Variants in STAC observed in about 807,000 individuals in gnomAD.
STAC encodes the protein SH3 and cysteine rich domain.
A neutral mutation model predicts 48.8 loss-of-function variants in STAC; 43 were observed. That is an observed-to-expected ratio of 0.88 (90% CI 0.69 to 1.14). The LOEUF (loss-of-function observed/expected upper bound fraction) is 1.14, where lower values mean the gene tolerates loss of function less well. Ranked by LOEUF, STAC falls within the 50% of genes most tolerant of loss-of-function variation. The pLI is 0.00. For missense variants in STAC, 497 were observed against 504.0 expected (o/e 0.99, Z 0.13); for synonymous variants, 193 against 179.5 (o/e 1.07, Z -0.60).
chr3:36,398,397 GTAAAGA>G (rs1256867028), intron 1 of STAC, among the ~76,000 whole-genome samples: 1 of 124,512 alleles, frequency 8.0e-6, no homozygotes, highest in African/African-American at 3.1e-5. Flanking sequence ...AGAAAGAGAG[GTAAAGA>G]GAAAGAGAGA....
At chr3:36,411,139 C>T (rs1010032741) in intron 1 of STAC, among the ~76,000 whole-genome samples, 5 of 152,170 alleles carry the variant, frequency 3.3e-5, no homozygotes, top group African/African-American at 1.2e-4. Flanking sequence ...ACCCCACATC[C>T]AACCCACTAA....
At chr3:36,538,930 T>A (rs994948383) in intron 10 of STAC, among the ~76,000 whole-genome samples, 1 of 152,214 alleles carries the variant, frequency 6.6e-6, no homozygotes, top group Non-Finnish European at 1.5e-5. Context: ...TCAATGCCTC[T>A]TTCTCCAGGA....
At position 36,499,664 on chromosome 3, in the gene STAC, G is replaced by T. The variant is rs568192897; in HGVS notation, c.767-4729G>T. ...AATGTAAACTGATTTAAGCACTCTA[G>T]ATAAAAGAAAGATTTTCAGACTAGA... is the stretch of plus-strand genomic sequence containing the variant. On this transcript the variant is annotated intron_variant, in intron 6 of 10. Transcript: ENST00000273183. Among the ~76,000 whole-genome samples, 11 of 151,950 alleles carry T rather than the reference G, an allele frequency of 7.2e-5. No homozygotes were observed. The South Asian group carries it at 2.1e-3, about 29-fold the overall frequency.
At chr3:36,426,955 T>C (rs1330472499) in intron 1 of STAC, among the ~76,000 whole-genome samples, 2 of 152,164 alleles carry the variant, frequency 1.3e-5, no homozygotes, top group Admixed American at 6.5e-5. Flanking sequence ...TAAAGCAAAA[T>C]GTAAGTGTGA....
intron 8 of STAC, among the ~76,000 whole-genome samples, chr3:36,508,763 T>C (rs142591122): frequency 3.9e-5 from 6 of 152,186 alleles, no homozygotes; most frequent in African/African-American, 1.4e-4. Context: ...TCTTTCCATT[T>C]GCTTGGTAAA....
rs752279953 is a variant in STAC, at chr3:36,546,256, C to T, written c.1176C>T (p.Gly392=). The change falls in exon 11 of 11, where the codon GGC becomes GGT. Residue 392 remains glycine (G), a synonymous_variant. Transcript: ENST00000273183. ...FIRVLSGKKK[G]LIPLDVLENI ...GAGTCCTCAGTGGAAAAAAGAAAGG[C>T]CTCATCCCCCTTGATGTACTAGAAA... is the stretch of plus-strand genomic sequence containing the variant. 1.7e-5 allele frequency: 28 copies of T among 1,613,924 alleles called. No homozygotes were observed. The highest frequency in any genetic ancestry group is 1.6e-4 in the Middle Eastern group (1 of 6,082).
rs761752853 is a variant in STAC at position 36,493,248 on chromosome 3, A to G, written c.766+19A>G. On this transcript the variant is annotated intron_variant, in intron 6 of 10. Coordinates refer to ENST00000273183, the MANE Select transcript of STAC (RefSeq NM_003149.3). ...AACAGCGGTGAGTGAGGGAGTTGGC[A>G]CAGCACAAATGTGATCACATGAGTC... is the stretch of plus-strand genomic sequence containing the variant. The G allele has an allele frequency of 3.7e-6, 6 of 1,611,870 alleles. No homozygotes were observed. The highest frequency in any genetic ancestry group is 2.2e-5 in the East Asian group (1 of 44,752).
At chr3:36,428,558 G>A (rs1460093213) in intron 1 of STAC, among the ~76,000 whole-genome samples, 1 of 152,164 alleles carries the variant, frequency 6.6e-6, no homozygotes, top group East Asian at 1.9e-4. Flanking sequence ...GTGCTCTGAA[G>A]AGGAAATGGG....
chr3:36,411,686 G>A (rs115936603), intron 1 of STAC, among the ~76,000 whole-genome samples: 160 of 152,310 alleles, frequency 1.1e-3, no homozygotes, highest in Admixed American at 1.8e-3. Context: ...AGGTCCCCAG[G>A]TTGTAGGTCC....
intron 1 of STAC, among the ~76,000 whole-genome samples, chr3:36,411,582 G>A (rs527417024): frequency 6.6e-6 from 1 of 152,280 alleles, no homozygotes; most frequent in South Asian, 2.1e-4. Flanking sequence ...GGAGTATTTT[G>A]CCAACAAATT....
intron 8 of STAC, among the ~76,000 whole-genome samples, chr3:36,527,658 G>A (rs1035699612): frequency 3.3e-5 from 5 of 152,120 alleles, no homozygotes; most frequent in Non-Finnish European, 5.9e-5. Flanking sequence ...GGAAAGAAGA[G>A]AGAACATCAT....
At chr3:36,509,877 T>C (rs1698493872) in intron 8 of STAC, among the ~76,000 whole-genome samples, 1 of 151,982 alleles carries the variant, frequency 6.6e-6, no homozygotes, top group African/African-American at 2.4e-5. Flanking sequence ...ACCTAGGGAA[T>C]ACCATTCAGG....
rs1358957253 is a variant in STAC at position 36,396,455 on chromosome 3, A to G, written c.111+15701A>G. 3.9e-5 allele frequency among the ~76,000 whole-genome samples: 6 copies of G among 152,310 alleles called. No individual in the cohort carries two copies. In the East Asian group the frequency reaches 9.6e-4, roughly 24 times the overall value. ...TGATAACACATTATTACTACTATAC[A>G]AAGTTAGTCACTACTTTTTTCCAGA... On this transcript the variant is annotated intron_variant, in intron 1 of 10. Coordinates refer to ENST00000273183, the MANE Select transcript of STAC (RefSeq NM_003149.3).
chr3:36,456,197 C>T (rs1455531450), intron 2 of STAC, among the ~76,000 whole-genome samples: 2 of 152,122 alleles, frequency 1.3e-5, no homozygotes, highest in African/African-American at 4.8e-5. Context: ...GATCCAGACA[C>T]CATCCCTTCA....
intron 2 of STAC, among the ~76,000 whole-genome samples, chr3:36,478,716 G>C (rs1265950951): frequency 1.3e-5 from 2 of 152,050 alleles, no homozygotes; most frequent in Non-Finnish European, 2.9e-5. Flanking sequence ...TCAAACTCCT[G>C]ACCTCAAGTG....
At chr3:36,494,166 A>C (rs1443535666) in intron 6 of STAC, among the ~76,000 whole-genome samples, 1 of 150,756 alleles carries the variant, frequency 6.6e-6, no homozygotes, top group Non-Finnish European at 1.5e-5. Context: ...AAAAAAAAAA[A>C]AAAAAAAAGA....
At chr3:36,504,892 A>G (rs989279535) in intron 7 of STAC, among the ~76,000 whole-genome samples, 2 of 152,016 alleles carry the variant, frequency 1.3e-5, no homozygotes, top group Non-Finnish European at 2.9e-5. Flanking sequence ...CTATAAATTT[A>G]TAGCATGTAT....
At chr3:36,407,392 A>C (rs1043076646) in intron 1 of STAC, among the ~76,000 whole-genome samples, 1 of 152,246 alleles carries the variant, frequency 6.6e-6, no homozygotes, top group Admixed American at 6.5e-5. Context: ...TTTCTGGCCC[A>C]GATCCTAATT....
intron 2 of STAC, among the ~76,000 whole-genome samples, chr3:36,466,398 C>G (rs557562717): frequency 3.3e-4 from 50 of 151,816 alleles, no homozygotes; most frequent in Non-Finnish European, 5.4e-4. Context: ...TTTTTGGTTT[C>G]ATATGAATTC....
Sources: gnomAD v4.1 joint callset for allele counts (sites outside exome capture counted in the v4.1 genomes callset) on GRCh38, gnomAD v4.1.1 for gene constraint, MANE v1.5 for transcripts, NCBI Gene and HGNC (gene_info 2026-07-23, HGNC 2026-07-21) for gene names.